The following GPHN variants were observed in gnomAD, a reference collection of about 807,000 sequenced individuals.
GPHN encodes the protein gephyrin.
Under a neutral mutation model 95.5 loss-of-function variants are expected in GPHN, and 17 were observed. The observed-to-expected ratio is 0.18, with a 90% CI of 0.12 to 0.27. GPHN has a LOEUF of 0.27. GPHN is among the 10% of genes least tolerant of loss of function. The pLI is 1.00. For missense variants in GPHN, 660 were observed against 978.1 expected (o/e 0.67, Z 4.34); for synonymous variants, 320 against 322.5 (o/e 0.99, Z 0.08).
chr14:66,889,083 G>A (rs567457536), intron 5 of GPHN, among the ~76,000 whole-genome samples: 18 of 152,200 alleles, frequency 1.2e-4, no homozygotes, highest in Non-Finnish European at 2.1e-4. Context: ...ATAATAGACT[G>A]TCAAAATAGA....
chr14:67,343,951 T>C, the GPHN span, among the ~76,000 whole-genome samples: 1 of 152,240 alleles, frequency 6.6e-6, no homozygotes. Flanking sequence ...TTTGGTAGGT[T>C]TCCAAATTAA....
chr14:66,958,227 A>AT (rs904299726), intron 8 of GPHN, among the ~76,000 whole-genome samples: 1 of 152,054 alleles, frequency 6.6e-6, no homozygotes, highest in Non-Finnish European at 1.5e-5. Context: ...TTATCATTAT[A>AT]TAATGTCTTT....
the GPHN span, among the ~76,000 whole-genome samples, chr14:67,242,326 G>C: frequency 9.8e-5 from 15 of 152,290 alleles, no homozygotes; most frequent in African/African-American, 3.6e-4. Flanking sequence ...AGTATGGAGT[G>C]TGTGTTTTGT....
intron 2 of GPHN, among the ~76,000 whole-genome samples, chr14:66,766,640 T>C (rs1381883286): frequency 6.6e-6 from 1 of 152,014 alleles, no homozygotes; most frequent in Non-Finnish European, 1.5e-5. Context: ...GAAGGATGGA[T>C]AGACAGAATG....
chr14:67,690,117 T>C, the GPHN span: 1 of 1,074,712 alleles, frequency 9.3e-7, no homozygotes, highest in Non-Finnish European at 1.4e-6. Flanking sequence ...GCAGGTCCTC[T>C]CCAGGTGATG....
chr14:67,114,866 A>G (rs2078585310), intron 16 of GPHN, among the ~76,000 whole-genome samples: 1 of 152,220 alleles, frequency 6.6e-6, no homozygotes, highest in African/African-American at 2.4e-5. Flanking sequence ...TTTACACTCA[A>G]TTAAAACTAT....
At chr14:67,408,354 TAAAAA>T in the GPHN span, among the ~76,000 whole-genome samples, 18 of 134,870 alleles carry the variant, frequency 1.3e-4, no homozygotes, top group African/African-American at 5.1e-4. Flanking sequence ...TAAAATAAAA[TAAAAA>T]AAGAAAAAAC....
chr14:67,383,666 T>C, the GPHN span: 9 of 479,266 alleles, frequency 1.9e-5, no homozygotes, highest in South Asian at 1.6e-4. Flanking sequence ...AGTGGCCTCA[T>C]TTCACTAGAG....
chr14:67,134,939 T>C (rs2079962743), intron 17 of GPHN, among the ~76,000 whole-genome samples: 2 of 140,960 alleles, frequency 1.4e-5, no homozygotes, highest in South Asian at 4.5e-4. Context: ...TTTTTTTCTC[T>C]TTCTTTCTTT....
intron 5 of GPHN, among the ~76,000 whole-genome samples, chr14:66,906,706 G>A (rs2065398425): frequency 6.6e-6 from 1 of 152,040 alleles, no homozygotes; most frequent in African/African-American, 2.4e-5. Context: ...GAAGTCTCTG[G>A]TTTCTTGAGA....
the GPHN span, among the ~76,000 whole-genome samples, chr14:67,192,934 A>T: frequency 2.0e-5 from 3 of 146,924 alleles, no homozygotes; most frequent in Non-Finnish European, 4.5e-5. Flanking sequence ...ATATATAGAT[A>T]TCTAGATAAA....
intron 1 of GPHN, among the ~76,000 whole-genome samples, chr14:66,542,322 T>C (rs2059381412): frequency 6.6e-6 from 1 of 152,194 alleles, no homozygotes; most frequent in Non-Finnish European, 1.5e-5. Context: ...TTTTCTTAGA[T>C]GACTTATTTA....
chr14:67,025,282 G>A (rs1034615397), intron 10 of GPHN, among the ~76,000 whole-genome samples: 1 of 151,910 alleles, frequency 6.6e-6, no homozygotes, highest in African/African-American at 2.4e-5. Context: ...ATTTTTTGTT[G>A]TATCTCTGTA....
the GPHN span, among the ~76,000 whole-genome samples, chr14:67,341,400 G>T: frequency 6.6e-6 from 1 of 151,278 alleles, no homozygotes; most frequent in Non-Finnish European, 1.5e-5. Context: ...CCGCCCGGCA[G>T]CCGCCCCGTC....
intron 4 of GPHN, among the ~76,000 whole-genome samples, chr14:66,868,723 G>A (rs1274090248): frequency 3.9e-5 from 6 of 151,956 alleles, no homozygotes; most frequent in African/African-American, 1.4e-4. Context: ...AAACATCATT[G>A]TCTGTTAGCA....
At chr14:67,201,264 A>T in the GPHN span, among the ~76,000 whole-genome samples, 1 of 152,252 alleles carries the variant, frequency 6.6e-6, no homozygotes, top group African/African-American at 2.4e-5. Context: ...ACTGCACTCC[A>T]GCCTGGATGA....
rs72726408 is a variant in GPHN, at chr14:66,616,431, G to A, written c.65-64676G>A. On this transcript the variant is annotated intron_variant, in intron 1 of 22. Coordinates refer to ENST00000478722, the MANE Select transcript of GPHN (RefSeq NM_020806.5). ...GCTTTCTGTTTCTTTGTGTTTTGTTGTTGTTGTTGTTGTTGTTGTTTCAGT... is the reference window on the plus strand; with the variant it reads ...GCTTTCTGTTTCTTTGTGTTTTGTTATTGTTGTTGTTGTTGTTGTTTCAGT... Among the ~76,000 whole-genome samples, 742 of 108,892 alleles carry A rather than the reference G, an allele frequency of 6.8e-3. 3 individuals carry two copies. The highest frequency in any genetic ancestry group is 9.6e-3 in the Admixed American group (89 of 9,226). The allele number at this position is 108,892 out of a possible 152,430, so 71.4% of individuals were successfully genotyped here. A position where few individuals can be genotyped will look rare whatever the true frequency, so the allele number is the denominator to read the frequency against.
intron 8 of GPHN, 65 bp from the exon 9 acceptor site, chr14:66,965,126 G>T: frequency 7.4e-7 from 1 of 1,345,314 alleles, no homozygotes; most frequent in Non-Finnish European, 1.1e-6. Flanking sequence ...AAACAAAGGG[G>T]GTCTTGATTC....
chr14:66,962,358 G>A (rs1400106469), intron 8 of GPHN, among the ~76,000 whole-genome samples: 1 of 149,840 alleles, frequency 6.7e-6, no homozygotes, highest in Non-Finnish European at 1.5e-5. Flanking sequence ...TAAGATTGGG[G>A]CAAAGATTTG....
Sources: gnomAD v4.1 joint callset for allele counts (sites outside exome capture counted in the v4.1 genomes callset) on GRCh38, gnomAD v4.1.1 for gene constraint, MANE v1.5 for transcripts, NCBI Gene and HGNC (gene_info 2026-07-23, HGNC 2026-07-21) for gene names.